The following SNX14 variants were observed in gnomAD, a reference collection of about 807,000 sequenced individuals.
SNX14 encodes the protein sorting nexin 14, also known as sorting nexin-14.
SNX14 carries 93 observed loss-of-function variants against 133.8 expected under a neutral mutation model. The observed-to-expected ratio is 0.70, with a 90% confidence interval of 0.59 to 0.83. The LOEUF (loss-of-function observed/expected upper bound fraction) is 0.83, where lower values mean the gene tolerates loss of function less well. Ranked by LOEUF, SNX14 falls within the 40% of genes least tolerant of loss-of-function variation. The pLI, the probability that SNX14 is intolerant of heterozygous loss-of-function variation, is 0.00. For missense variants in SNX14, 945 were observed against 1,094.9 expected (o/e 0.86, Z 1.93); for synonymous variants, 368 against 365.6 (o/e 1.01, Z -0.07).
In SNX14 at chr6:85,547,406, G is replaced by T. The variant is rs1357172199; in HGVS notation, c.913-9C>A. The stretch of plus-strand genomic sequence containing the variant: ...TCAGTTGCTTTTTCAGGCTTTGAAA[G>T]AAAGAGAATTATTAACTCAGTAAAA... On this transcript the variant is annotated splice_polypyrimidine_tract_variant and intron_variant, in intron 10 of 28. Transcript: ENST00000314673. The T allele has an allele frequency of 1.2e-6, 2 of 1,611,954 alleles. No individual in the cohort carries two copies. Among genetic ancestry groups the T allele is most frequent in the African/African-American group, 2.7e-5 (2 of 74,794 alleles).
At chr6:85,566,912 GT>G (rs1794054213) in intron 5 of SNX14, among the ~76,000 whole-genome samples, 1 of 151,982 alleles carries the variant, frequency 6.6e-6, no homozygotes, top group Non-Finnish European at 1.5e-5. Flanking sequence ...CAAATCTAAA[GT>G]ATTTTCTGTA....
chr6:85,568,698 A>G lies in SNX14; in HGVS notation c.418-1121T>C, dbSNP rs532661916. Among the ~76,000 whole-genome samples, 3 of 152,322 alleles carry G rather than the reference A, an allele frequency of 2.0e-5. No individual in the cohort carries two copies. The East Asian group carries it at 5.8e-4, about 29-fold the overall frequency. On this transcript the variant is annotated intron_variant, in intron 4 of 28. Coordinates refer to ENST00000314673, the MANE Select transcript of SNX14 (RefSeq NM_153816.6). ...TCTAATGCTTCCAAAATCAGATCAT[A>G]TATTTTCTCTGGCAGCAATAATAAA...
intron 23 of SNX14, among the ~76,000 whole-genome samples, chr6:85,515,781 A>G (rs1220724943): frequency 6.6e-6 from 1 of 151,974 alleles, no homozygotes; most frequent in Non-Finnish European, 1.5e-5. Flanking sequence ...TTTTTTCACT[A>G]AAAAACAGTG....
rs768943319 is a variant in SNX14 at position 85,517,840 on chromosome 6, G to A, written c.2184C>T (p.Phe728=). The change falls in exon 23 of 29, where the codon TTC becomes TTT. Residue 728 remains phenylalanine (F), a synonymous_variant. Coordinates refer to ENST00000314673, the MANE Select transcript of SNX14 (RefSeq NM_153816.6). The part of the protein sequence containing the change: ...GQHLEPFIMN[F]INSCESPKPK... The stretch of plus-strand genomic sequence containing the variant: ...GCTTTGGAGACTCACAAGAATTAAT[G>A]AAATTCATGATAAAAGGTTCCAAAT... The A allele has an allele frequency of 5.0e-6, 8 of 1,609,746 alleles. No homozygotes were observed. Among genetic ancestry groups the A allele is most frequent in the Admixed American group, 3.4e-5 (2 of 59,058 alleles).
At chr6:85,526,433 G>A (rs1778503372) in intron 20 of SNX14, among the ~76,000 whole-genome samples, 196 bp from the exon 21 acceptor site, 1 of 152,124 alleles carries the variant, frequency 6.6e-6, no homozygotes, top group Admixed American at 6.6e-5. Flanking sequence ...GATATGAATG[G>A]GTTCGAATCC....
rs112159491 is a variant in SNX14, at chr6:85,579,459, C to T, written c.141-5081G>A. On this transcript the variant is annotated intron_variant, in intron 1 of 28. Coordinates refer to ENST00000314673, the MANE Select transcript of SNX14 (RefSeq NM_153816.6). ...TTCATAAGAATCAAAAACCAGGTGA[C>T]TGATCACAGTACATGATTTTAACTT... is the stretch of plus-strand genomic sequence containing the variant. Among the ~76,000 whole-genome samples the T allele has an allele frequency of 8.0e-3, 1,217 of 152,290 alleles. 20 individuals are homozygous for T. Among genetic ancestry groups the T allele is most frequent in the African/African-American group, 0.028 (1,166 of 41,564 alleles).
intron 12 of SNX14, among the ~76,000 whole-genome samples, chr6:85,544,285 G>A (rs1000558110): frequency 6.6e-6 from 1 of 151,834 alleles, no homozygotes; most frequent in African/African-American, 2.4e-5. Context: ...ATTTCAGGAT[G>A]TGTTAATAAG....
intron 1 of SNX14, chr6:85,588,929 G>C (rs1183086900): frequency 2.2e-6 from 1 of 454,956 alleles, no homozygotes; most frequent in Non-Finnish European, 4.4e-6. Context: ...GTAGGCTGAA[G>C]AGGAGGGGTT....
Position 85,508,026 on chromosome 6 carries a change from T to C in SNX14, c.2687A>G (p.Lys896Arg), listed in dbSNP as rs779227033. ...AAACAGAAGTCTGATGCTTTCATACTTGGTTTCTTCACCAATACACTTGAC... is the reference window on the plus strand; with the variant it reads ...AAACAGAAGTCTGATGCTTTCATACCTGGTTTCTTCACCAATACACTTGAC... ...LLVKCIGEET[K>R]YESIRLLFDG... The change falls in exon 27 of 29, where the codon AAG becomes AGG. Residue 896 changes from lysine to arginine, a missense_variant. By Grantham distance (26) the Lys-to-Arg change is conservative (BLOSUM62 2). Coordinates refer to ENST00000314673, the MANE Select transcript of SNX14 (RefSeq NM_153816.6). 5.0e-6 allele frequency: 8 copies of C among 1,613,138 alleles called. No individual in the cohort carries two copies. Among genetic ancestry groups the C allele is most frequent in the Non-Finnish European group, 5.9e-6 (7 of 1,179,496 alleles).
Position 85,543,251 on chromosome 6 carries a change from A to C in SNX14, c.1320T>G (p.Phe440Leu). 1 of 1,602,868 alleles carries C rather than the reference A, an allele frequency of 6.2e-7. No individual in the cohort carries two copies. Among genetic ancestry groups the C allele is most frequent in the Non-Finnish European group, 8.5e-7 (1 of 1,175,752 alleles). Reference protein sequence around the residue: ...VVKLQTMRCLFEAYEHVLSLL... With the variant: ...VVKLQTMRCLLEAYEHVLSLL... The stretch of plus-strand genomic sequence containing the variant: ...GGGAAAGAACATGTTCATATGCTTC[A>C]AAAAGACATCTCATAGTTTGAAGTT... Residue 440 changes from phenylalanine (F) to leucine (L), a missense_variant, in exon 14 of 29, where the codon TTT becomes TTG. Phe to Leu is a conservative substitution (Grantham distance 22, BLOSUM62 0). Around this residue, in one of 3 missense-constraint regions of SNX14, gnomAD observed 514 missense variants for 538.8 expected, o/e 0.95. Coordinates refer to ENST00000314673, the MANE Select transcript of SNX14 (RefSeq NM_153816.6).
intron 21 of SNX14, among the ~76,000 whole-genome samples, chr6:85,519,613 G>A (rs1337618339): frequency 6.6e-6 from 1 of 152,210 alleles, no homozygotes; most frequent in Non-Finnish European, 1.5e-5. Flanking sequence ...GCTCACGCCT[G>A]TAATCCCAGC....
intron 26 of SNX14, chr6:85,508,291 C>T (rs1771454452): frequency 9.2e-7 from 1 of 1,089,962 alleles, no homozygotes; most frequent in Admixed American, 5.3e-5. Context: ...ATGCACAAGG[C>T]ATAATGCAAA....
At chr6:85,565,826 A>C (rs1793642245) in intron 5 of SNX14, among the ~76,000 whole-genome samples, 2 of 152,214 alleles carry the variant, frequency 1.3e-5, no homozygotes, top group Non-Finnish European at 2.9e-5. Context: ...CTAAAAGTTA[A>C]AACAAAAAAA....
chr6:85,593,475 C>A, intron 1 of SNX14, 104 bp downstream of exon 1: 1 of 1,453,700 alleles, frequency 6.9e-7, no homozygotes, highest in Non-Finnish European at 9.1e-7. Context: ...CCCACTGGTC[C>A]CCAGTCCCGC....
At chr6:85,542,900 G>A (rs985719204) in intron 14 of SNX14, among the ~76,000 whole-genome samples, 1 of 152,032 alleles carries the variant, frequency 6.6e-6, no homozygotes, top group Admixed American at 6.6e-5. Flanking sequence ...CTGAGTAACT[G>A]AGATTACAGG....
At chr6:85,542,484 T>G (rs1784071153) in intron 14 of SNX14, among the ~76,000 whole-genome samples, 1 of 152,188 alleles carries the variant, frequency 6.6e-6, no homozygotes, top group Non-Finnish European at 1.5e-5. Context: ...AAGCTCCGCC[T>G]CCCGGGTTGA....
intron 7 of SNX14, among the ~76,000 whole-genome samples, chr6:85,557,684 A>T (rs557671265): frequency 6.6e-6 from 1 of 152,326 alleles, no homozygotes. Flanking sequence ...AAACCATTGA[A>T]ACCATTAAGG....
rs759158613 is a variant in SNX14 at position 85,548,358 on chromosome 6, T to C, written c.810A>G (p.Ile270Met). 41 of 1,606,086 alleles carry C rather than the reference T, an allele frequency of 2.6e-5. No homozygotes were observed. The highest frequency in any genetic ancestry group is 3.3e-4 in the Middle Eastern group (2 of 6,004). ...ACACAGAGCCAGACAGAATCTCTCTTATAAGTAAGGTCAGAGATCTGGAAA... is the reference window on the plus strand; with the variant it reads ...ACACAGAGCCAGACAGAATCTCTCTCATAAGTAAGGTCAGAGATCTGGAAA... ...ATDCRSLTLL[I>M]REILSGSVFL... Residue 270 changes from isoleucine (I) to methionine (M), a missense_variant, in exon 9 of 29, where the codon ATA (isoleucine) becomes ATG (methionine). Around this residue, in one of 3 missense-constraint regions of SNX14, gnomAD observed 514 missense variants for 538.8 expected, o/e 0.95. Coordinates refer to ENST00000314673, the MANE Select transcript of SNX14 (RefSeq NM_153816.6).
At chr6:85,523,337 G>A (rs1457498106) in intron 21 of SNX14, among the ~76,000 whole-genome samples, 1 of 152,166 alleles carries the variant, frequency 6.6e-6, no homozygotes, top group Non-Finnish European at 1.5e-5. Flanking sequence ...GGAGGAGGAT[G>A]GGAATCCAGG....
Sources: gnomAD v4.1 joint callset for allele counts (sites outside exome capture counted in the v4.1 genomes callset) on GRCh38, gnomAD v4.1.1 for gene constraint, gnomAD v4.1.1 regional missense constraint, MANE v1.5 for transcripts, NCBI Gene and HGNC (gene_info 2026-07-23, HGNC 2026-07-21) for gene names.